EFNA5: variants seen among roughly 807,000 people sequenced by gnomAD.
EFNA5 encodes the protein ephrin-A5.
EFNA5 carries 5 observed loss-of-function variants against 22.9 expected under a neutral mutation model. That is an observed-to-expected ratio of 0.22 (90% CI 0.11 to 0.46). The LOEUF (loss-of-function observed/expected upper bound fraction) is 0.46. Ranked by LOEUF, EFNA5 falls within the 20% of genes least tolerant of loss-of-function variation. The pLI is 0.99. For synonymous variants in EFNA5, 113 were observed against 112.2 expected (o/e 1.01, Z -0.04); for missense variants, 237 against 293.3 (o/e 0.81, Z 1.40).
At chr5:107,447,839 T>C (rs1749436427) in intron 1 of EFNA5, among the ~76,000 whole-genome samples, 1 of 152,134 alleles carries the variant, frequency 6.6e-6, no homozygotes, top group African/African-American at 2.4e-5. Flanking sequence ...CAAGGGATTT[T>C]TTTTTTTCTT....
At chr5:107,462,845 C>T (rs1749867927) in intron 1 of EFNA5, among the ~76,000 whole-genome samples, 1 of 152,120 alleles carries the variant, frequency 6.6e-6, no homozygotes, top group South Asian at 2.1e-4. Context: ...ACACCTTTTT[C>T]TTTGTGCTAA....
chr5:107,645,618 A>T (rs1367280169), intron 1 of EFNA5, among the ~76,000 whole-genome samples: 2 of 152,188 alleles, frequency 1.3e-5, no homozygotes, highest in African/African-American at 4.8e-5. Flanking sequence ...CTTCAGAAAG[A>T]TTGGGCAGGG....
chr5:107,413,711 G>A (rs1166967961), intron 2 of EFNA5, among the ~76,000 whole-genome samples: 1 of 152,054 alleles, frequency 6.6e-6, no homozygotes, highest in East Asian at 1.9e-4. Context: ...TTGTTCAATT[G>A]TACAAGAAAT....
chr5:107,440,670 C>T (rs1014060014), intron 1 of EFNA5, among the ~76,000 whole-genome samples: 15 of 152,154 alleles, frequency 9.9e-5, no homozygotes, highest in Non-Finnish European at 8.8e-5. Context: ...AGTTTCACGA[C>T]GTACACATTA....
intron 1 of EFNA5, among the ~76,000 whole-genome samples, chr5:107,451,501 T>C (rs926892092): frequency 1.3e-5 from 2 of 152,196 alleles, no homozygotes; most frequent in Admixed American, 1.3e-4. Flanking sequence ...CTTGGAGATA[T>C]CAACTACTTC....
chr5:107,634,069 A>G (rs929912486), intron 1 of EFNA5, among the ~76,000 whole-genome samples: 3 of 152,226 alleles, frequency 2.0e-5, no homozygotes, highest in Admixed American at 2.0e-4. Flanking sequence ...ACCACACAGT[A>G]TGTTTAATGG....
intron 1 of EFNA5, among the ~76,000 whole-genome samples, chr5:107,466,736 T>C (rs1749996060): frequency 6.6e-6 from 1 of 152,104 alleles, no homozygotes; most frequent in Non-Finnish European, 1.5e-5. Flanking sequence ...GTTAGTGTGG[T>C]GAGTCTGGTA....
intron 1 of EFNA5, among the ~76,000 whole-genome samples, chr5:107,659,652 G>T (rs1244631597): frequency 2.0e-5 from 3 of 150,982 alleles, no homozygotes; most frequent in African/African-American, 7.3e-5. Flanking sequence ...CAAATAACCA[G>T]ATGTCAATGA....
intron 1 of EFNA5, among the ~76,000 whole-genome samples, chr5:107,473,262 A>ATTTTT (rs35926074): frequency 7.4e-6 from 1 of 135,188 alleles, no homozygotes; most frequent in Non-Finnish European, 1.6e-5. Context: ...TCCAGGTCTG[A>ATTTTT]TTTTTTTTTT....
chr5:107,664,277 G>GA (rs529766674), intron 1 of EFNA5, among the ~76,000 whole-genome samples: 1 of 152,118 alleles, frequency 6.6e-6, no homozygotes, highest in Non-Finnish European at 1.5e-5. Flanking sequence ...GTTGTAGTCA[G>GA]AAAAAACTTG....
chr5:107,463,091 G>A (rs978971679), intron 1 of EFNA5, among the ~76,000 whole-genome samples: 1 of 152,056 alleles, frequency 6.6e-6, no homozygotes, highest in African/African-American at 2.4e-5. Flanking sequence ...AGAGGCAAGG[G>A]CAGCTCCAGT....
At chr5:107,598,304 A>T (rs931320301) in intron 1 of EFNA5, among the ~76,000 whole-genome samples, 2 of 152,170 alleles carry the variant, frequency 1.3e-5, no homozygotes, top group African/African-American at 4.8e-5. Context: ...GTCCTGCATA[A>T]TTTTTAACAT....
chr5:107,630,612 C>G (rs1750230604), intron 1 of EFNA5, among the ~76,000 whole-genome samples: 1 of 151,896 alleles, frequency 6.6e-6, no homozygotes, highest in Non-Finnish European at 1.5e-5. Context: ...TATGAAGACC[C>G]AGCTCTGTAC....
intron 1 of EFNA5, among the ~76,000 whole-genome samples, chr5:107,631,925 A>T (rs896066528): frequency 6.6e-6 from 1 of 152,180 alleles, no homozygotes; most frequent in Non-Finnish European, 1.5e-5. Flanking sequence ...TTTAGAAAGG[A>T]AGCAAGTAGG....
intron 1 of EFNA5, among the ~76,000 whole-genome samples, chr5:107,620,980 T>C (rs1011178408): frequency 2.0e-5 from 3 of 151,980 alleles, no homozygotes; most frequent in Admixed American, 2.0e-4. Context: ...GAATGGAACA[T>C]TAGGGAAGGG....
chr5:107,460,333 C>T (rs375994023), intron 1 of EFNA5, among the ~76,000 whole-genome samples: 66 of 152,218 alleles, frequency 4.3e-4, no homozygotes, highest in African/African-American at 1.5e-3. Flanking sequence ...TCGGCCCTAA[C>T]CATTTCTGCT....
intron 1 of EFNA5, among the ~76,000 whole-genome samples, chr5:107,571,440 G>A (rs923035540): frequency 2.0e-5 from 3 of 151,766 alleles, no homozygotes; most frequent in African/African-American, 7.2e-5. Flanking sequence ...CAGTCAACAA[G>A]TTCACTGAAT....
intron 1 of EFNA5, among the ~76,000 whole-genome samples, chr5:107,491,300 G>A (rs1293820354): frequency 6.6e-6 from 1 of 152,096 alleles, no homozygotes; most frequent in African/African-American, 2.4e-5. Flanking sequence ...AATACAGACG[G>A]CCCCTCCCTC....
intron 1 of EFNA5, among the ~76,000 whole-genome samples, chr5:107,498,306 T>C (rs1747040883): frequency 6.6e-6 from 1 of 152,270 alleles, no homozygotes; most frequent in South Asian, 2.1e-4. Flanking sequence ...ACAACCTTTT[T>C]TCATAGCTCA....
Sources: allele counts gnomAD v4.1 joint callset (sites outside exome capture counted in the v4.1 genomes callset), GRCh38; gene constraint gnomAD v4.1.1; transcripts MANE v1.5; gene names NCBI Gene and HGNC (gene_info 2026-07-23, HGNC 2026-07-21).